ZP3: variants seen among roughly 807,000 people sequenced by gnomAD.
ZP3 encodes the protein zona pellucida sperm-binding protein 3.
A neutral mutation model predicts 35.6 loss-of-function variants in ZP3; 21 were observed. That is an observed-to-expected ratio of 0.59 (90% confidence interval 0.42 to 0.85). The LOEUF (loss-of-function observed/expected upper bound fraction) is 0.85, where lower values mean the gene tolerates loss of function less well. Ranked by LOEUF, ZP3 falls within the 40% of genes least tolerant of loss-of-function variation. The pLI is 0.00. For synonymous variants in ZP3, 207 were observed against 214.5 expected (o/e 0.96, Z 0.31); for missense variants, 437 against 536.5 (o/e 0.81, Z 1.83).
intron 5 of ZP3, among the ~76,000 whole-genome samples, chr7:76,436,816 A>G (rs1420862673): frequency 1.3e-5 from 2 of 152,216 alleles, no homozygotes; most frequent in African/African-American, 4.8e-5. Context: ...AGATGGAGAG[A>G]AGTTTTCACA....
intron 1 of ZP3, among the ~76,000 whole-genome samples, chr7:76,401,614 G>T (rs1031318006): frequency 1.3e-5 from 2 of 151,978 alleles, no homozygotes; most frequent in Admixed American, 6.6e-5. Context: ...ATGGGGTTTC[G>T]CCATGTTGGC....
upstream of ZP3, among the ~76,000 whole-genome samples, chr7:76,423,025 G>GAAAGAAAGAAAGAAAGAAAGAAAGAA (rs1554624492): frequency 4.0e-5 from 3 of 75,852 alleles, no homozygotes; most frequent in South Asian, 5.2e-4. Context: ...GAGAGAGAGA[G>GAAAGAAAGAAAGAAAGAAAGAAAGAA]AGAAAGAAAG....
upstream of ZP3, among the ~76,000 whole-genome samples, chr7:76,421,080 C>T (rs777870229): frequency 6.8e-4 from 104 of 152,046 alleles, no homozygotes; most frequent in Non-Finnish European, 1.3e-3. Context: ...GGATTATAGG[C>T]GTGTGCCACC....
intron 5 of ZP3, among the ~76,000 whole-genome samples, chr7:76,437,024 A>G (rs1280885950): frequency 6.6e-6 from 1 of 151,804 alleles, no homozygotes; most frequent in Non-Finnish European, 1.5e-5. Context: ...ACCCTATTTC[A>G]GAGCAATAGG....
intron 1 of ZP3, among the ~76,000 whole-genome samples, chr7:76,425,681 T>C (rs908385948): frequency 2.6e-5 from 4 of 152,052 alleles, no homozygotes; most frequent in Non-Finnish European, 4.4e-5. Context: ...AAACAACAAG[T>C]GGGCCGGGTG....
At chr7:76,403,262 C>T (rs971717110) in intron 1 of ZP3, among the ~76,000 whole-genome samples, 2 of 152,098 alleles carry the variant, frequency 1.3e-5, no homozygotes, top group African/African-American at 4.8e-5. Flanking sequence ...CCGAGTATGA[C>T]AGTTCTGACA....
chr7:76,428,040 T>TG (rs1365097860), intron 1 of ZP3, among the ~76,000 whole-genome samples: 1 of 151,470 alleles, frequency 6.6e-6, no homozygotes, highest in African/African-American at 2.4e-5. Context: ...AATAGGTGGT[T>TG]GGGGGTTGAG....
At chr7:76,402,219 A>G (rs564301257) in intron 1 of ZP3, among the ~76,000 whole-genome samples, 1 of 141,736 alleles carries the variant, frequency 7.1e-6, no homozygotes, top group South Asian at 2.2e-4. Flanking sequence ...GTCTTACTCC[A>G]TTCAGGCTGG....
intron 1 of ZP3, among the ~76,000 whole-genome samples, chr7:76,405,323 T>TTTTCTTTCTTTCTTTCTTTCTTTCTTTC (rs765504064): frequency 3.4e-5 from 1 of 29,176 alleles, no homozygotes; most frequent in Non-Finnish European, 5.9e-5. Context: ...ATATGTATTT[T>TTTTCTTTCTTTCTTTCTTTCTTTCTTTC]TTTCTTTCTT....
At chr7:76,403,579 G>T (rs1399902778) in intron 1 of ZP3, among the ~76,000 whole-genome samples, 1 of 150,840 alleles carries the variant, frequency 6.6e-6, no homozygotes, top group African/African-American at 2.4e-5. Flanking sequence ...CTCATGATCC[G>T]CCCTCCTCAG....
At chr7:76,420,784 T>C (rs76554869), upstream of ZP3, among the ~76,000 whole-genome samples, 13,136 of 152,202 alleles carry the variant, frequency 0.086, 1,115 homozygotes, top group African/African-American at 0.21. Context: ...CTAAGAAACC[T>C]GTTTACCTTT....
intron 1 of ZP3, 66 bp from the exon 2 acceptor site, chr7:76,429,449 A>C (rs779753273): frequency 6.7e-7 from 1 of 1,503,494 alleles, no homozygotes; most frequent in Non-Finnish European, 9.3e-7. Context: ...CTGAGCACTC[A>C]GGTATGGCTT....
At position 76,415,364 on chromosome 7, in the gene ZP3, C is replaced by CAAAAA. The variant is rs528001072; in HGVS notation, c.-66-9677_-66-9673dup. On this transcript the variant is annotated intron_variant, in intron 1 of 8. Transcript: ENST00000336517. ...CTGGCGATAGAGTGAGACTCCGTCT[C>CAAAAA]AAAAAAAAAAAAAAAGGTCTGGAAT... Among the ~76,000 whole-genome samples the CAAAAA allele has an allele frequency of 1.8e-3, 114 of 63,516 alleles. 7 individuals are homozygous for CAAAAA. The highest frequency in any genetic ancestry group is 0.022 in the Middle Eastern group (2 of 92). The allele number at this position is 63,516 out of a possible 152,430, so 41.7% of individuals were successfully genotyped here.
Position 76,403,851 on chromosome 7 carries a change from G to A in ZP3, c.-67+6054G>A, listed in dbSNP as rs951065408. ...TAATTTTTGTATTTTTAGTAGGGAC[G>A]CGGGTTTCACCATGTTGGCCAGGCT... On this transcript the variant is annotated intron_variant, in intron 1 of 8. Coordinates refer to the ZP3 transcript ENST00000336517. Among the ~76,000 whole-genome samples the A allele has an allele frequency of 2.0e-5, 3 of 149,724 alleles. No homozygotes were observed. The East Asian group carries it at 5.9e-4, about 30-fold the overall frequency.
intron 1 of ZP3, chr7:76,401,148 C>T: frequency 1.4e-6 from 2 of 1,382,800 alleles, no homozygotes; most frequent in Non-Finnish European, 1.9e-6. Flanking sequence ...TTACCCCCAT[C>T]TTCTTGGACT....
At chr7:76,427,118 T>G (rs868240513) in intron 1 of ZP3, among the ~76,000 whole-genome samples, 11 of 152,084 alleles carry the variant, frequency 7.2e-5, no homozygotes, top group African/African-American at 2.7e-4. Flanking sequence ...AGAAAGGATG[T>G]GGGACCAGCT....
Position 76,432,337 on chromosome 7 carries a change from C to T in ZP3, c.432-590C>T, listed in dbSNP as rs185319054. Reference sequence around the variant, plus strand: ...CCAAGTAGCTGGGACTAAAGGCGCCCGCCACCATGCCCGGATAATTTTATT... The same window carrying T: ...CCAAGTAGCTGGGACTAAAGGCGCCTGCCACCATGCCCGGATAATTTTATT... On this transcript the variant is annotated intron_variant, in intron 2 of 7. Transcript: ENST00000394857. Among the ~76,000 whole-genome samples the T allele has an allele frequency of 5.4e-3, 828 of 152,074 alleles. 10 individuals are homozygous for T. Among genetic ancestry groups the T allele is most frequent in the African/African-American group, 0.019 (795 of 41,484 alleles).
chr7:76,437,333 G>A (rs114568503), intron 5 of ZP3, among the ~76,000 whole-genome samples: 785 of 151,984 alleles, frequency 5.2e-3, no homozygotes, highest in African/African-American at 0.018. Flanking sequence ...CAATCACCAC[G>A]CCTGGCTAAT....
At chr7:76,436,802 A>T (rs1806028700) in intron 5 of ZP3, among the ~76,000 whole-genome samples, 1 of 152,200 alleles carries the variant, frequency 6.6e-6, no homozygotes, top group South Asian at 2.1e-4. Flanking sequence ...GCCATTTGGG[A>T]AGAAGATGGA....
Sources: allele counts gnomAD v4.1 joint callset (sites outside exome capture counted in the v4.1 genomes callset), GRCh38; gene constraint gnomAD v4.1.1; transcripts MANE v1.5; gene names NCBI Gene and HGNC (gene_info 2026-07-23, HGNC 2026-07-21).